Variants in MICALL2 observed in about 807,000 individuals in gnomAD.
MICALL2 encodes the protein MICAL like 2, also known as MICAL-like protein 2.
In MICALL2, 111 loss-of-function variants were observed where a neutral mutation model predicts 91.1. That is an observed-to-expected ratio of 1.22 (90% confidence interval 1.04 to 1.43). MICALL2 has a LOEUF of 1.43. Among genes scored for constraint, MICALL2 ranks in the 40% most tolerant of loss-of-function variants. MICALL2 has a pLI of 0.00. For synonymous variants in MICALL2, 694 were observed against 525.3 expected (o/e 1.32, Z -4.39); for missense variants, 1,556 against 1,236.0 (o/e 1.26, Z -3.88).
chr7:1,446,792 A>G lies in MICALL2; in HGVS notation c.562T>C (p.Cys188Arg). The G allele has an allele frequency of 6.2e-7, 1 of 1,605,812 alleles. No homozygotes were observed. Reference sequence around the variant, plus strand: ...TGCACGTGCTTGCCGCAGACCCCGCAGGTGCTGCTGACCAAGCTGCCCGCC... The same window carrying G: ...TGCACGTGCTTGCCGCAGACCCCGCGGGTGCTGCTGACCAAGCTGCCCGCC... ...ALAGSLVSST[C>R]GVCGKHVHLV... The change falls in exon 5 of 17, where the codon TGC becomes CGC. Residue 188 changes from cysteine (C) to arginine (R), a missense_variant. By Grantham distance (180) the Cys-to-Arg change is radical. Transcript: ENST00000297508.
Position 1,438,824 on chromosome 7 carries a change from T to A in MICALL2, c.2122+16A>T. ...TCACGTACACCCCAAACAGCAGCGGTGTCTCTGGGGCTGACCTGGTTTGCC... is the reference window on the plus strand; with the variant it reads ...TCACGTACACCCCAAACAGCAGCGGAGTCTCTGGGGCTGACCTGGTTTGCC... On this transcript the variant is annotated intron_variant, in intron 10 of 16. Coordinates refer to ENST00000297508, the MANE Select transcript of MICALL2 (RefSeq NM_182924.4). 1 of 1,586,246 alleles carries A rather than the reference T, an allele frequency of 6.3e-7. No individual in the cohort carries two copies.
intron 10 of MICALL2, 142 bp from the exon 11 acceptor site, chr7:1,438,495 C>A: frequency 6.9e-7 from 1 of 1,456,974 alleles, no homozygotes; most frequent in East Asian, 2.5e-5. Flanking sequence ...GCCCACTGGA[C>A]TGCCCTGACC....
intron 5 of MICALL2, 27 bp from the exon 6 acceptor site, chr7:1,445,455 C>T (rs1000980032): frequency 9.5e-6 from 14 of 1,475,078 alleles, no homozygotes; most frequent in East Asian, 2.5e-5. Flanking sequence ...ACAGGAGCCC[C>T]AGCTCGGCAC....
At chr7:1,436,551 C>CCAAAAAA (rs1455061319) in intron 15 of MICALL2, among the ~76,000 whole-genome samples, 191 bp downstream of exon 15, 3 of 74,486 alleles carry the variant, frequency 4.0e-5, no homozygotes, top group African/African-American at 1.5e-4. Context: ...GACTCTGTCT[C>CCAAAAAA]AAAAAAAAAA....
chr7:1,446,111 G>C (rs1039897789), intron 5 of MICALL2, among the ~76,000 whole-genome samples: 1 of 131,388 alleles, frequency 7.6e-6, no homozygotes, highest in Non-Finnish European at 1.6e-5. Context: ...GGGAACAGTA[G>C]AACATCTTGG....
rs549018950 is a variant in MICALL2 at position 1,447,735 on chromosome 7, G to A, written c.365C>T (p.Ser122Leu). ...TGACGGCTCCTCCTCAGAGTCCTCC[G>A]AGGCCCTCTTCACGCCTGCCATGCC... Reference protein sequence around the residue: ...IGGMAGVKRASEDSEEEPSGK... With the variant: ...IGGMAGVKRALEDSEEEPSGK... The change falls in exon 4 of 17, where the codon TCG becomes TTG. Residue 122 changes from serine to leucine, a missense_variant. By Grantham distance (145) the Ser-to-Leu change is moderately radical (BLOSUM62 -2). Transcript: ENST00000297508. 48 of 1,564,630 alleles carry A rather than the reference G, an allele frequency of 3.1e-5. No homozygotes were observed. In the South Asian group the frequency reaches 3.9e-4, roughly 13 times the overall value.
At chr7:1,446,667 G>A (rs1317468338) in intron 5 of MICALL2, 46 bp downstream of exon 5, 7 of 1,419,806 alleles carry the variant, frequency 4.9e-6, no homozygotes, top group Middle Eastern at 4.8e-4. Context: ...GAGGGTTCTG[G>A]GAGGGGAGGT....
intron 15 of MICALL2, among the ~76,000 whole-genome samples, 191 bp downstream of exon 15, chr7:1,436,551 C>CCAAAAAAAA (rs1455061319): frequency 9.4e-5 from 7 of 74,484 alleles, no homozygotes; most frequent in African/African-American, 2.9e-4. Flanking sequence ...GACTCTGTCT[C>CCAAAAAAAA]AAAAAAAAAA....
intron 1 of MICALL2, among the ~76,000 whole-genome samples, chr7:1,456,854 G>A (rs1264250810): frequency 6.6e-6 from 1 of 152,150 alleles, no homozygotes; most frequent in South Asian, 2.1e-4. Context: ...TGACACTCCG[G>A]GTTTTCCATC....
rs751396826 is a variant in MICALL2 at position 1,444,785 on chromosome 7, C to CG, written c.1284dup (p.Gly429ArgfsTer61). 29 of 1,611,682 alleles carry CG rather than the reference C, an allele frequency of 1.8e-5. No homozygotes were observed. Among genetic ancestry groups the CG allele is most frequent in the Non-Finnish European group, 1.9e-5 (23 of 1,179,492 alleles). ...GGACCTCTGCCAGAAAGGCTGGTGC[C>CG]GGGGGGCACTGCTGATGTTTGGAAA... is the stretch of plus-strand genomic sequence containing the variant. On this transcript the variant is annotated frameshift_variant, in exon 6 of 17. Transcript: ENST00000297508. LOFTEE classifies it high-confidence loss of function.
intron 16 of MICALL2, 99 bp downstream of exon 16, chr7:1,435,002 A>G: frequency 4.9e-5 from 3 of 61,144 alleles, no homozygotes; most frequent in Non-Finnish European, 6.6e-5. Flanking sequence ...CCCCACCCCC[A>G]GCTGGAGGCC....
intron 2 of MICALL2, 97 bp downstream of exon 2, chr7:1,450,143 G>T: frequency 2.2e-6 from 2 of 919,816 alleles, no homozygotes; most frequent in Non-Finnish European, 3.5e-6. Flanking sequence ...CCCAAGGCAG[G>T]TGCAGGGCCT....
intron 1 of MICALL2, among the ~76,000 whole-genome samples, chr7:1,457,236 A>G (rs1172022004): frequency 2.0e-5 from 3 of 152,132 alleles, no homozygotes; most frequent in Non-Finnish European, 4.4e-5. Flanking sequence ...AACTCCAACC[A>G]TGTGCTGGTA....
intron 1 of MICALL2, among the ~76,000 whole-genome samples, chr7:1,456,281 G>C (rs1781012626): frequency 6.6e-6 from 1 of 152,132 alleles, no homozygotes; most frequent in Non-Finnish European, 1.5e-5. Context: ...AATATGCTGA[G>C]TGAAAGTAGC....
Position 1,446,818 on chromosome 7 carries a change from A to T in MICALL2, c.536T>A (p.Leu179Ter). The stretch of plus-strand genomic sequence containing the variant: ...GGTGCTGCTGACCAAGCTGCCCGCC[A>T]ATGCCTGGTCCTGGGGAAGATGCCA... ...GGPPPKTDQA[L>*]AGSLVSSTCG... Residue 179 changes from leucine (L) to a stop codon, truncating the protein, a stop_gained, in exon 5 of 17, where the codon TTG becomes TAG. Transcript: ENST00000297508. LOFTEE classifies it high-confidence loss of function. 6.3e-7 allele frequency: 1 copy of T among 1,592,326 alleles called. No homozygotes were observed. Among genetic ancestry groups the T allele is most frequent in the Non-Finnish European group, 8.6e-7 (1 of 1,169,454 alleles).
chr7:1,440,504 C>T lies in MICALL2; in HGVS notation c.1805+87G>A, dbSNP rs181749346. ...GGAGGTGCGTCTATCCCTGGATAGGCGTGTCAATCGGTCGATTACATACTC... is the reference window on the plus strand; with the variant it reads ...GGAGGTGCGTCTATCCCTGGATAGGTGTGTCAATCGGTCGATTACATACTC... On this transcript the variant is annotated intron_variant, in intron 8 of 16. Transcript: ENST00000297508. The T allele has an allele frequency of 2.9e-4, 339 of 1,183,500 alleles. No homozygotes were observed. The East Asian group carries it at 6.6e-3, about 23-fold the overall frequency. The allele number at this position is 1,183,500 out of a possible 1,614,324, so 73.3% of individuals were successfully genotyped here.
intron 7 of MICALL2, 188 bp from the exon 8 acceptor site, chr7:1,440,872 C>A: frequency 1.7e-6 from 1 of 592,978 alleles, no homozygotes; most frequent in Admixed American, 2.7e-5. Context: ...CCAGCTGGCT[C>A]TCCTGTGCTG....
chr7:1,456,651 G>A (rs1421565335), intron 1 of MICALL2, among the ~76,000 whole-genome samples: 1 of 151,958 alleles, frequency 6.6e-6, no homozygotes, highest in African/African-American at 2.4e-5. Flanking sequence ...GCCAGGCATG[G>A]TCCCAGCTAC....
intron 9 of MICALL2, 101 bp from the exon 10 acceptor site, chr7:1,439,096 A>G: frequency 1.0e-6 from 1 of 956,346 alleles, no homozygotes; most frequent in South Asian, 1.6e-5. Flanking sequence ...TAGCCCGGCC[A>G]TCCCCATGCC....
Sources: gnomAD v4.1 joint callset for allele counts (sites outside exome capture counted in the v4.1 genomes callset) on GRCh38, gnomAD v4.1.1 for gene constraint, MANE v1.5 for transcripts, NCBI Gene and HGNC (gene_info 2026-07-23, HGNC 2026-07-21) for gene names.